Variants in ZNF423 observed in about 807,000 individuals in gnomAD.
ZNF423 encodes the protein zinc finger protein 423.
In ZNF423, 12 loss-of-function variants were observed where a neutral mutation model predicts 95.8. That is an observed-to-expected ratio of 0.13 (90% CI 0.08 to 0.20). ZNF423 has a LOEUF of 0.20. Ranked by LOEUF, ZNF423 falls within the 10% of genes least tolerant of loss-of-function variation. The pLI is 1.00. For synonymous variants in ZNF423, 749 were observed against 711.9 expected, an observed-to-expected ratio of 1.05 and a Z score of -0.83; for missense variants, 1,316 against 1,737.1, an observed-to-expected ratio of 0.76 and a Z score of 4.31.
chr16:49,520,271 T>A (rs895370292), intron 7 of ZNF423, among the ~76,000 whole-genome samples: 2 of 152,210 alleles, frequency 1.3e-5, no homozygotes, highest in Non-Finnish European at 2.9e-5. Context: ...TTCCTAATTA[T>A]TCGGTTGTGA....
At chr16:49,614,901 C>T (rs897014004) in intron 5 of ZNF423, among the ~76,000 whole-genome samples, 3 of 152,076 alleles carry the variant, frequency 2.0e-5, no homozygotes, top group Non-Finnish European at 2.9e-5. Context: ...GAGGCTCTGG[C>T]GGGTGTATCA....
intron 5 of ZNF423, among the ~76,000 whole-genome samples, chr16:49,621,541 G>A (rs906739684): frequency 1.1e-4 from 17 of 152,122 alleles, no homozygotes; most frequent in Admixed American, 1.3e-4. Context: ...CCAGCAGTCC[G>A]GGTCCCAGGG....
intron 2 of ZNF423, among the ~76,000 whole-genome samples, chr16:49,785,336 C>A (rs923680476): frequency 6.6e-6 from 1 of 152,196 alleles, no homozygotes; most frequent in South Asian, 2.1e-4. Context: ...CTGCCTTGAC[C>A]TCACAAAGTG....
At chr16:49,784,595 G>T (rs1257674825) in intron 2 of ZNF423, among the ~76,000 whole-genome samples, 20 of 152,184 alleles carry the variant, frequency 1.3e-4, no homozygotes. Context: ...CTAGTCAATG[G>T]AGATTATGTA....
At chr16:49,555,316 G>T (rs1370777324) in intron 5 of ZNF423, among the ~76,000 whole-genome samples, 2 of 152,178 alleles carry the variant, frequency 1.3e-5, no homozygotes, top group African/African-American at 4.8e-5. Flanking sequence ...TTCAGTTCAG[G>T]CTGTGCAGGG....
chr16:49,814,373 A>G (rs1265513431), intron 1 of ZNF423, among the ~76,000 whole-genome samples: 1 of 150,886 alleles, frequency 6.6e-6, no homozygotes, highest in Admixed American at 6.6e-5. Flanking sequence ...GAGGGCAAGC[A>G]GGACAGGGGT....
At chr16:49,511,797 C>T (rs974078503) in intron 7 of ZNF423, among the ~76,000 whole-genome samples, 10 of 152,142 alleles carry the variant, frequency 6.6e-5, no homozygotes, top group Non-Finnish European at 1.2e-4. Flanking sequence ...GATGCCACAC[C>T]TTATTAGGTT....
chr16:49,815,876 AAAAAAAT>A (rs2034832338), intron 1 of ZNF423, among the ~76,000 whole-genome samples: 7 of 72,116 alleles, frequency 9.7e-5, no homozygotes, highest in African/African-American at 1.4e-4. Flanking sequence ...CAAACAAAAA[AAAAAAAT>A]ATATATATAT....
chr16:49,736,233 G>A (rs1318859253), intron 2 of ZNF423, among the ~76,000 whole-genome samples: 1 of 152,204 alleles, frequency 6.6e-6, no homozygotes, highest in East Asian at 1.9e-4. Context: ...ATAAGTATTA[G>A]ATTGAATCAT....
chr16:49,660,534 G>A (rs2030158777), intron 3 of ZNF423, among the ~76,000 whole-genome samples: 1 of 152,182 alleles, frequency 6.6e-6, no homozygotes, highest in Non-Finnish European at 1.5e-5. Context: ...AGCCTGACCT[G>A]ACCACCCTCC....
chr16:49,719,258 G>C (rs1191851880), intron 3 of ZNF423, among the ~76,000 whole-genome samples: 1 of 152,198 alleles, frequency 6.6e-6, no homozygotes, highest in Non-Finnish European at 1.5e-5. Context: ...AAGCAGACCT[G>C]ACGGGAAAGG....
intron 5 of ZNF423, among the ~76,000 whole-genome samples, chr16:49,529,913 G>C (rs1185902507): frequency 6.6e-6 from 1 of 152,072 alleles, no homozygotes; most frequent in South Asian, 2.1e-4. Context: ...AACCCCCCTC[G>C]GGAAAGCTGA....
At chr16:49,724,988 A>G (rs935067280) in intron 3 of ZNF423, among the ~76,000 whole-genome samples, 2 of 152,122 alleles carry the variant, frequency 1.3e-5, no homozygotes, top group Admixed American at 6.5e-5. Context: ...ACAGTCCCCA[A>G]TCTGTGTTCT....
chr16:49,715,406 A>T (rs2032674864), intron 3 of ZNF423, among the ~76,000 whole-genome samples: 1 of 152,148 alleles, frequency 6.6e-6, no homozygotes, highest in Admixed American at 6.5e-5. Context: ...GGTGGTGCAA[A>T]GGCCCTGCAG....
chr16:49,781,859 CCAGGACACCAGCTA>C (rs2143776158), intron 2 of ZNF423, among the ~76,000 whole-genome samples: 1 of 152,286 alleles, frequency 6.6e-6, no homozygotes, highest in South Asian at 2.1e-4. Context: ...CAAGGAGGTC[CCAGGACACCAGCTA>C]CCCCATTGCC....
At chr16:49,682,372 T>C (rs1219108084) in intron 3 of ZNF423, among the ~76,000 whole-genome samples, 1 of 152,030 alleles carries the variant, frequency 6.6e-6, no homozygotes, top group Non-Finnish European at 1.5e-5. Flanking sequence ...ATCCCACCCC[T>C]CCTGCTCAGG....
intron 1 of ZNF423, among the ~76,000 whole-genome samples, chr16:49,839,055 TC>T (rs1240689915): frequency 1.3e-5 from 1 of 79,596 alleles, no homozygotes; most frequent in African/African-American, 4.9e-5. Context: ...TTCCCAGCCA[TC>T]CCCCCTCTTC....
intron 1 of ZNF423, among the ~76,000 whole-genome samples, chr16:49,813,399 A>T (rs2034785180): frequency 6.6e-6 from 1 of 152,122 alleles, no homozygotes; most frequent in Non-Finnish European, 1.5e-5. Flanking sequence ...CCACTGCCCC[A>T]GCCTCGGATA....
At chr16:49,808,529 A>G (rs2143944190) in intron 1 of ZNF423, among the ~76,000 whole-genome samples, 1 of 152,302 alleles carries the variant, frequency 6.6e-6, no homozygotes, top group African/African-American at 2.4e-5. Flanking sequence ...TGGGCATGAG[A>G]AGTGCTGGGC....
Sources: gnomAD v4.1 joint callset for allele counts (sites outside exome capture counted in the v4.1 genomes callset) on GRCh38, gnomAD v4.1.1 for gene constraint, MANE v1.5 for transcripts, NCBI Gene and HGNC (gene_info 2026-07-23, HGNC 2026-07-21) for gene names.